Variants in TTN observed in about 807,000 individuals in gnomAD.
TTN encodes the protein titin, also known as connectin.
In TTN, 1,525 loss-of-function variants were observed where a neutral mutation model predicts 3,223.0. The observed-to-expected ratio is 0.47, with a 90% CI of 0.45 to 0.49. The LOEUF is 0.49. Ranked by LOEUF, TTN falls within the 20% of genes least tolerant of loss-of-function variation. The probability of loss-of-function intolerance (pLI) is 0.00; values close to 1 mark genes in which losing one functional copy is unlikely to be tolerated. For synonymous variants in TTN, 14,094 were observed against 15,161.0 expected (o/e 0.93, Z 5.17); for missense variants, 40,786 against 43,424.0 (o/e 0.94, Z 5.40).
At position 178,676,146 on chromosome 2, in the gene TTN, T is replaced by C. The variant is rs181189461; in HGVS notation, c.34379-151A>G. The C allele has an allele frequency of 7.5e-4, 484 of 649,122 alleles. 3 individuals are homozygous for C. Among genetic ancestry groups the C allele is most frequent in the South Asian group, 1.2e-3 (58 of 47,362 alleles). The allele number at this position is 649,122 out of a possible 1,614,324, so 40.2% of individuals were successfully genotyped here. Reference sequence around the variant, plus strand: ...TGGGAGCCCAGATATTATAATGTAATTGGGATTTGTAAAGCAAGGGACCAG... The same window carrying C: ...TGGGAGCCCAGATATTATAATGTAACTGGGATTTGTAAAGCAAGGGACCAG... On this transcript the variant is annotated intron_variant, in intron 147 of 362. Transcript: ENST00000589042.
In TTN at chr2:178,672,449, T is replaced by C. The variant is rs1245139406; in HGVS notation, c.34888A>G (p.Lys11630Glu). The C allele has an allele frequency of 3.8e-6, 6 of 1,596,996 alleles. No individual in the cohort carries two copies. The highest frequency in any genetic ancestry group is 5.1e-6 in the Non-Finnish European group (6 of 1,175,462). The change falls in exon 154 of 363, where the codon AAA becomes GAA. Residue 11630 changes from lysine (K) to glutamate (E), a missense_variant. Transcript: ENST00000589042. ...PEVPKKVPEKKVLVPKKEAVP... is the reference protein window; with the variant it reads ...PEVPKKVPEKEVLVPKKEAVP... The stretch of plus-strand genomic sequence containing the variant: ...GCTTCCTTTTTAGGCACAAGGACTT[T>C]CTTTTCTGGGACTTTCTTTGGTACT...
In TTN at chr2:178,576,914, T is replaced by G; in HGVS notation, c.69412+9A>C. ...TTTCCATGTCAATTCCCTCACATGC[T>G]CTACATACCAAATCTGTCTACCATT... On this transcript the variant is annotated intron_variant, in intron 324 of 362. Coordinates refer to ENST00000589042, the MANE Select transcript of TTN (RefSeq NM_001267550.2). This position sits in a 1 kb window ranked among gnomAD's most constrained non-coding sequence, Gnocchi z 4.3. 2 of 1,608,148 alleles carry G rather than the reference T, an allele frequency of 1.2e-6. No individual in the cohort carries two copies. Among genetic ancestry groups the G allele is most frequent in the Non-Finnish European group, 8.5e-7 (1 of 1,177,408 alleles).
intron 41 of TTN, 39 bp downstream of exon 41, chr2:178,766,342 A>G: frequency 1.3e-6 from 2 of 1,483,530 alleles, no homozygotes; most frequent in Non-Finnish European, 1.9e-6. Context: ...ATTATTTCTG[A>G]TGGATCCACA....
At chr2:178,677,582 C>T (rs2068378528) in intron 146 of TTN, 39 bp downstream of exon 146, 2 of 1,558,434 alleles carry the variant, frequency 1.3e-6, no homozygotes, top group South Asian at 1.2e-5. Context: ...GAATTCAACA[C>T]AAAAGAGGCC....
In TTN at chr2:178,778,941, C is replaced by T. The variant is rs1003675872; in HGVS notation, c.4141G>A (p.Val1381Met). 5 of 1,613,996 alleles carry T rather than the reference C, an allele frequency of 3.1e-6. No homozygotes were observed. The highest frequency in any genetic ancestry group is 4.2e-6 in the Non-Finnish European group (5 of 1,179,930). ...GCTCCAAGTGGTGCAGCAGGCTCCA[C>T]ATACAATTTCCCTGAGCAAATTGCA... Reference protein sequence around the residue: ...GNAICSGKLYVEPAAPLGAPT... With the variant: ...GNAICSGKLYMEPAAPLGAPT... Residue 1381 changes from valine to methionine, a missense_variant, in exon 24 of 363, where the codon GTG becomes ATG. Physicochemically the swap from Val to Met is conservative, Grantham distance 21. Coordinates refer to ENST00000589042, the MANE Select transcript of TTN (RefSeq NM_001267550.2).
rs771491701 is a variant in TTN at position 178,546,801 on chromosome 2, T to C, written c.94627A>G (p.Ile31543Val). Reference protein sequence around the residue: ...DGGSKVVGYIIERKPVSEVGD... With the variant: ...DGGSKVVGYIVERKPVSEVGD... ...ACCTCACTGACTGGCTTACGCTCTA[T>C]GATGTAGCCCACAACCTTGCTGCCT... Residue 31543 changes from isoleucine (I) to valine (V), a missense_variant, in exon 341 of 363, where the codon ATA becomes GTA. Transcript: ENST00000589042. 1.3e-5 allele frequency: 21 copies of C among 1,613,472 alleles called. No homozygotes were observed. The highest frequency in any genetic ancestry group is 2.2e-5 in the South Asian group (2 of 91,076).
chr2:178,570,861 T>TAAAC lies in TTN; in HGVS notation c.75267_75270dup (p.Ser25091ValfsTer2). 2.5e-6 allele frequency: 4 copies of TAAAC among 1,613,538 alleles called. No homozygotes were observed. Among genetic ancestry groups the TAAAC allele is most frequent in the Non-Finnish European group, 3.4e-6 (4 of 1,179,618 alleles). ...GCTCCTGTGCTTTCTGAAGGCTCACTAAACACTCCTGCGGCATTTCGGGCT... is the reference window on the plus strand; with the variant it reads ...GCTCCTGTGCTTTCTGAAGGCTCACTAAACAAACACTCCTGCGGCATTTCGGGCT... On this transcript the variant is annotated frameshift_variant, in exon 326 of 363. Transcript: ENST00000589042. LOFTEE classifies it high-confidence loss of function.
intron 69 of TTN, chr2:178,726,825 T>C: frequency 3.1e-6 from 1 of 318,228 alleles, no homozygotes; most frequent in East Asian, 5.0e-5. Flanking sequence ...TGTGCAGTTT[T>C]GAAACATCAC....
At position 178,534,585 on chromosome 2, in the gene TTN, A is replaced by C. The variant is rs1296387134; in HGVS notation, c.102030T>G (p.Ser34010Arg). 4.3e-6 allele frequency: 7 copies of C among 1,613,880 alleles called. No individual in the cohort carries two copies. In the Admixed American group the frequency reaches 1.2e-4, roughly 27 times the overall value. Residue 34010 changes from serine (S) to arginine (R), a missense_variant, in exon 358 of 363, where the codon AGT becomes AGG. Transcript: ENST00000589042. ...TTTCAGCCAGGAATGGGTTGATACC[A>C]CTCAATAGCACATATACCAGTGTTC... ...SLGTLVYVLL[S>R]GINPFLAETN...
At position 178,728,755 on chromosome 2, in the gene TTN, C is replaced by A; in HGVS notation, c.19171G>T (p.Ala6391Ser). The A allele has an allele frequency of 1.2e-6, 2 of 1,602,400 alleles. No individual in the cohort carries two copies. The highest frequency in any genetic ancestry group is 1.7e-6 in the Non-Finnish European group (2 of 1,170,592). Residue 6391 changes from alanine to serine, a missense_variant, in exon 66 of 363, where the codon GCT (alanine) becomes TCT (serine). Physicochemically the swap from Ala to Ser is moderately conservative, Grantham distance 99. Coordinates refer to ENST00000589042, the MANE Select transcript of TTN (RefSeq NM_001267550.2). Reference protein sequence around the residue: ...VQEPAQIVEKAKSVDVTEKDP... With the variant: ...VQEPAQIVEKSKSVDVTEKDP... The stretch of plus-strand genomic sequence containing the variant: ...TTCTCCGTAACATCAACTGATTTAG[C>A]TTTCTCTACGATTTGAGCTGGTTCT...
At position 178,766,487 on chromosome 2, in the gene TTN, T is replaced by C. The variant is rs2291312; in HGVS notation, c.9597A>G (p.Glu3199=). 153,082 of 1,613,924 alleles carry C rather than the reference T, an allele frequency of 0.095. 11,790 individuals carry two copies. Among genetic ancestry groups the C allele is most frequent in the Admixed American group, 0.38 (22,576 of 60,004 alleles). ...AGATAAACATTCGGTGGATTCTTCTTTCCACTACATATTTGTGTCGTTCTT... is the reference window on the plus strand; with the variant it reads ...AGATAAACATTCGGTGGATTCTTCTCTCCACTACATATTTGTGTCGTTCTT... ...QVQERHKYVV[E]RRIHRMFISE... is the part of the protein sequence containing the mutation. The change falls in exon 41 of 363, where the codon GAA becomes GAG. Residue 3199 remains glutamate (E), a synonymous_variant. Transcript: ENST00000589042.
chr2:178,736,766 C>T (rs996458710), intron 49 of TTN, among the ~76,000 whole-genome samples: 2 of 152,084 alleles, frequency 1.3e-5, no homozygotes, highest in African/African-American at 4.8e-5. Context: ...CTTCCAAACG[C>T]GTCAGTATGA....
chr2:178,696,141 T>C lies in TTN; in HGVS notation c.30931A>G (p.Arg10311Gly). ...EKKQAVHKEK[R>G]VFIESFEEPY... ...TCTTCGAAAGATTCAATGAAGACTC[T>C]CTTCTCCTTGTGGACTGCTTGCTTT... is the stretch of plus-strand genomic sequence containing the variant. The change falls in exon 114 of 363, where the codon AGA (arginine) becomes GGA (glycine). Residue 10311 changes from arginine to glycine, a missense_variant. Physicochemically the swap from Arg to Gly is moderately radical, Grantham distance 125 (BLOSUM62 -2). Coordinates refer to ENST00000589042, the MANE Select transcript of TTN (RefSeq NM_001267550.2). The C allele has an allele frequency of 6.4e-7, 1 of 1,553,252 alleles. No individual in the cohort carries two copies. Among genetic ancestry groups the C allele is most frequent in the Non-Finnish European group, 8.7e-7 (1 of 1,147,362 alleles).
Position 178,699,383 on chromosome 2 carries a change from C to CTTTTTTTTTTT in TTN, c.30683-480_30683-470dup, listed in dbSNP as rs59989386. 2.9e-4 allele frequency among the ~76,000 whole-genome samples: 13 copies of CTTTTTTTTTTT among 44,910 alleles called. 3 individuals carry two copies. The highest frequency in any genetic ancestry group is 5.2e-4 in the Non-Finnish European group (12 of 22,892). 29.5% of individuals were successfully genotyped at this position (44,910 alleles called of 152,430 possible). ...TTTGTATTCATGAATAAATAACACT[C>CTTTTTTTTTTT]TTTTTTTTTTTTTTTTTTTTTTTTT... On this transcript the variant is annotated intron_variant, in intron 111 of 362. Coordinates refer to ENST00000589042, the MANE Select transcript of TTN (RefSeq NM_001267550.2).
At chr2:178,792,051 T>C (rs769580027) in intron 10 of TTN, 21 bp downstream of exon 10, 1 of 1,609,788 alleles carries the variant, frequency 6.2e-7, no homozygotes, top group Non-Finnish European at 8.5e-7. Flanking sequence ...AACTACAAAA[T>C]ATTTAGAAAA....
intron 62 of TTN, 36 bp from the exon 63 acceptor site, chr2:178,729,981 T>C: frequency 6.3e-7 from 1 of 1,599,900 alleles, no homozygotes; most frequent in Non-Finnish European, 8.5e-7. Context: ...GTTGAATATT[T>C]TTAAAAACAG....
Position 178,651,433 on chromosome 2 carries a change from C to T in TTN, c.39547+20G>A, listed in dbSNP as rs1299751190. The T allele has an allele frequency of 6.2e-7, 1 of 1,604,368 alleles. No individual in the cohort carries two copies. The highest frequency in any genetic ancestry group is 8.5e-7 in the Non-Finnish European group (1 of 1,176,404). On this transcript the variant is annotated intron_variant, in intron 207 of 362. Coordinates refer to ENST00000589042, the MANE Select transcript of TTN (RefSeq NM_001267550.2). Reference sequence around the variant, plus strand: ...GGGGGCTCCATCCGCCCCCATCAAACAGTGGACAGCCACATATACCTTTAG... The same window carrying T: ...GGGGGCTCCATCCGCCCCCATCAAATAGTGGACAGCCACATATACCTTTAG...
At chr2:178,786,289 T>C (rs2093176296) in intron 13 of TTN, 148 bp from the exon 14 acceptor site, 1 of 793,406 alleles carries the variant, frequency 1.3e-6, no homozygotes, top group Non-Finnish European at 2.0e-6. Context: ...TTTTAGGGAC[T>C]ATTTCATTGA....
Position 178,735,972 on chromosome 2 carries a change from T to A in TTN, c.14474A>T (p.Glu4825Val). ...AGCACCATCTTTCTGCCAAATGGTT[T>A]CTATCACAGGAGTCCCTGTCACTGT... The part of the protein sequence containing the change: ...ICTVTGTPVI[E>V]TIWQKDGAAL... The change falls in exon 50 of 363, where the codon GAA becomes GTA. Residue 4825 changes from glutamate (E) to valine (V), a missense_variant. Glu to Val is a moderately radical substitution (Grantham distance 121). Coordinates refer to ENST00000589042, the MANE Select transcript of TTN (RefSeq NM_001267550.2). The A allele has an allele frequency of 1.9e-6, 3 of 1,613,864 alleles. No individual in the cohort carries two copies. The highest frequency in any genetic ancestry group is 2.2e-5 in the South Asian group (2 of 91,084).
Sources: gnomAD v4.1 joint callset for allele counts (sites outside exome capture counted in the v4.1 genomes callset) on GRCh38, gnomAD v4.1.1 for gene constraint, Gnocchi (gnomAD v3.1) non-coding constraint, MANE v1.5 for transcripts, NCBI Gene and HGNC (gene_info 2026-07-23, HGNC 2026-07-21) for gene names.